TENM2: variants seen among roughly 807,000 people sequenced by gnomAD.
TENM2 encodes the protein teneurin-2.
A neutral mutation model predicts 245.2 loss-of-function variants in TENM2; 52 were observed. The ratio of observed to expected loss-of-function variants is 0.21; its 90% CI spans 0.17 to 0.27. The LOEUF is 0.27. TENM2 is among the 10% of genes least tolerant of loss of function. The probability of loss-of-function intolerance (pLI) is 1.00; values close to 1 mark genes in which losing one functional copy is unlikely to be tolerated. For synonymous variants in TENM2, 1,363 were observed against 1,438.9 expected, an observed-to-expected ratio of 0.95 and a Z score of 1.19; for missense variants, 3,046 against 3,666.8, an observed-to-expected ratio of 0.83 and a Z score of 4.37.
At chr5:167,952,889 C>A in intron 4 of TENM2, 67 bp downstream of exon 6, 1 of 1,315,000 alleles carries the variant, frequency 7.6e-7, no homozygotes, top group Non-Finnish European at 1.1e-6. Flanking sequence ...CCACACAGAG[C>A]CACTGGGTGT....
At chr5:167,064,561 A>G in the TENM2 span, among the ~76,000 whole-genome samples, 3 of 152,178 alleles carry the variant, frequency 2.0e-5, no homozygotes, top group Non-Finnish European at 4.4e-5. Flanking sequence ...TTCCTCATAT[A>G]ATAGAGCCCT....
rs918402289 is a variant in TENM2 at position 167,389,227 on chromosome 5, C to T, written c.502+13754C>T. 6.8e-5 allele frequency among the ~76,000 whole-genome samples: 10 copies of T among 146,250 alleles called. No individual in the cohort carries two copies. The East Asian group carries it at 8.0e-4, about 12-fold the overall frequency. ...CATAGAATTATGCAAAGCATATGTG[C>T]GTATATATATAGTGCATTTAAAATA... On this transcript the variant is annotated intron_variant, in intron 2 of 28. Transcript: ENST00000518659.
intron 2 of TENM2, among the ~76,000 whole-genome samples, chr5:167,436,892 C>A (rs897979334): frequency 2.0e-5 from 3 of 152,198 alleles, no homozygotes; most frequent in Admixed American, 6.5e-5. Context: ...CCTCCGCCTA[C>A]ATTTCAGAAG....
chr5:167,596,486 G>C (rs1487171770), intron 2 of TENM2, among the ~76,000 whole-genome samples: 1 of 151,928 alleles, frequency 6.6e-6, no homozygotes, highest in Non-Finnish European at 1.5e-5. Context: ...CTGTGTTAAT[G>C]GTAAAAAATA....
At chr5:167,363,590 G>T (rs1436061759) in intron 1 of TENM2, among the ~76,000 whole-genome samples, 1 of 151,698 alleles carries the variant, frequency 6.6e-6, no homozygotes, top group Non-Finnish European at 1.5e-5. Context: ...AATTAACTGG[G>T]CATGGTGGTG....
chr5:168,082,335 T>C (rs1792079152), intron 7 of TENM2, among the ~76,000 whole-genome samples: 1 of 152,196 alleles, frequency 6.6e-6, no homozygotes, highest in Admixed American at 6.5e-5. Flanking sequence ...ATTCGTCTAA[T>C]CTTTTTTCAA....
intron 25 of TENM2, among the ~76,000 whole-genome samples, chr5:168,243,056 A>C (rs1766248881): frequency 6.6e-6 from 1 of 152,184 alleles, no homozygotes; most frequent in South Asian, 2.1e-4. Context: ...GTGAGGAGGT[A>C]CCAGACATCT....
At chr5:167,768,086 T>G (rs1027349208) in intron 2 of TENM2, among the ~76,000 whole-genome samples, 9 of 152,188 alleles carry the variant, frequency 5.9e-5, no homozygotes, top group Non-Finnish European at 1.3e-4. Context: ...ATGCGCGTCT[T>G]CCATTAGCAT....
intron 2 of TENM2, among the ~76,000 whole-genome samples, chr5:167,462,400 G>A (rs1343913202): frequency 1.3e-5 from 2 of 152,162 alleles, no homozygotes; most frequent in East Asian, 3.9e-4. Context: ...TAGCTCTTCT[G>A]TTCACAGACG....
At chr5:167,193,722 C>T in the TENM2 span, among the ~76,000 whole-genome samples, 14 of 151,890 alleles carry the variant, frequency 9.2e-5, 1 homozygote, top group South Asian at 2.7e-3. Flanking sequence ...TTGATCTTGT[C>T]GGTCAGCTTT....
intron 2 of TENM2, among the ~76,000 whole-genome samples, chr5:167,549,467 G>A (rs1434439016): frequency 1.3e-5 from 2 of 152,170 alleles, no homozygotes; most frequent in African/African-American, 4.8e-5. Context: ...CAGCTGTTAT[G>A]CAGTTATATA....
At chr5:167,747,142 C>T (rs1042459089) in intron 2 of TENM2, among the ~76,000 whole-genome samples, 2 of 152,068 alleles carry the variant, frequency 1.3e-5, no homozygotes, top group Admixed American at 6.6e-5. Flanking sequence ...TTTAGCTTTG[C>T]ATTAAAACAA....
At chr5:168,104,830 T>TAACA (rs1160919980) in intron 9 of TENM2, among the ~76,000 whole-genome samples, 1 of 152,204 alleles carries the variant, frequency 6.6e-6, no homozygotes, top group Non-Finnish European at 1.5e-5. Context: ...GGAATGGATC[T>TAACA]AACACATTGT....
At chr5:168,138,310 T>A (rs183047955) in intron 12 of TENM2, among the ~76,000 whole-genome samples, 2 of 152,226 alleles carry the variant, frequency 1.3e-5, no homozygotes, top group African/African-American at 2.4e-5. Flanking sequence ...ACCTACTGTA[T>A]TGAGGATTTC....
intron 2 of TENM2, among the ~76,000 whole-genome samples, chr5:167,539,193 A>G (rs111554233): frequency 6.6e-6 from 1 of 152,184 alleles, no homozygotes; most frequent in African/African-American, 2.4e-5. Flanking sequence ...TTCAGAACCA[A>G]GTATGTTTAA....
chr5:167,268,591 G>T, the TENM2 span, among the ~76,000 whole-genome samples: 1 of 152,080 alleles, frequency 6.6e-6, no homozygotes, highest in Non-Finnish European at 1.5e-5. Flanking sequence ...CAAATGTCTT[G>T]CTTTTGTTAT....
chr5:167,313,162 CA>C (rs1431484721), intron 1 of TENM2, among the ~76,000 whole-genome samples: 4 of 152,076 alleles, frequency 2.6e-5, no homozygotes, highest in Admixed American at 6.5e-5. Flanking sequence ...CTTGGCCTCT[CA>C]AAATGCTGGG....
intron 9 of TENM2, among the ~76,000 whole-genome samples, chr5:168,116,058 T>C (rs977797864): frequency 3.3e-5 from 5 of 152,150 alleles, no homozygotes; most frequent in Admixed American, 2.0e-4. Context: ...GTTCAGAGTT[T>C]CTTGTGCTAC....
chr5:167,059,465 C>G, the TENM2 span, among the ~76,000 whole-genome samples: 6 of 152,086 alleles, frequency 3.9e-5, no homozygotes, highest in Non-Finnish European at 5.9e-5. Flanking sequence ...GTTTCTACTA[C>G]CTTGTAGTTG....
Sources: allele counts gnomAD v4.1 joint callset (sites outside exome capture counted in the v4.1 genomes callset), GRCh38; gene constraint gnomAD v4.1.1; transcripts MANE v1.5; gene names NCBI Gene and HGNC (gene_info 2026-07-23, HGNC 2026-07-21).